STPG2: variants seen among roughly 807,000 people sequenced by gnomAD.
STPG2 encodes the protein sperm tail PG-rich repeat containing 2, also known as sperm-tail PG-rich repeat-containing protein 2.
In STPG2, 56 loss-of-function variants were observed where a neutral mutation model predicts 54.2. That is an observed-to-expected ratio of 1.03 (90% confidence interval 0.83 to 1.29). The LOEUF (loss-of-function observed/expected upper bound fraction) is 1.29. Ranked by LOEUF, STPG2 falls within the 50% of genes most tolerant of loss-of-function variation. The pLI is 0.00. For synonymous variants in STPG2, 200 were observed against 181.8 expected (o/e 1.10, Z -0.81); for missense variants, 596 against 544.9 (o/e 1.09, Z -0.93).
rs1262342943 is a variant in STPG2 at position 97,636,580 on chromosome 4, T to C, written c.1320+76119A>G. Among the ~76,000 whole-genome samples, 4 of 149,484 alleles carry C rather than the reference T, an allele frequency of 2.7e-5. No homozygotes were observed. The East Asian group carries it at 7.8e-4, about 29-fold the overall frequency. ...TGGTTTTTTGAAAGGATCAACAAAA[T>C]TGATAGACTGCTAGCAAGACTAATA... is the stretch of plus-strand genomic sequence containing the variant. On this transcript the variant is annotated intron_variant, in intron 10 of 10. Transcript: ENST00000295268.
At chr4:97,628,170 G>A (rs959470336) in intron 10 of STPG2, among the ~76,000 whole-genome samples, 1 of 152,120 alleles carries the variant, frequency 6.6e-6, no homozygotes, top group Non-Finnish European at 1.5e-5. Context: ...TCAGTGTGTA[G>A]TATAGTCAGG....
In STPG2 at chr4:97,611,553, T is replaced by C. The variant is rs192713160; in HGVS notation, c.1321-52436A>G. 5.5e-4 allele frequency among the ~76,000 whole-genome samples: 83 copies of C among 152,026 alleles called. 2 individuals are homozygous for C. The highest frequency in any genetic ancestry group is 5.3e-3 in the Admixed American group (80 of 15,214). On this transcript the variant is annotated intron_variant, in intron 10 of 10. Transcript: ENST00000295268. Reference sequence around the variant, plus strand: ...GCCAACCATGTGTTTAGCTAAGAAGTAAAATAGATTTAGGAAAGCTAAATA... The same window carrying C: ...GCCAACCATGTGTTTAGCTAAGAAGCAAAATAGATTTAGGAAAGCTAAATA...
rs369146159 is a variant in STPG2 at position 97,454,370 on chromosome 4, G to A, written c.462+258329C>T. Among the ~76,000 whole-genome samples, 103 of 149,814 alleles carry A rather than the reference G, an allele frequency of 6.9e-4. 2 individuals are homozygous for A. In the East Asian group the frequency reaches 0.012, roughly 18 times the overall value. On this transcript the variant is annotated intron_variant, in intron 4 of 4. Transcript: ENST00000522676. ...CTACTAAAAATACAAAAAATTAGCC[G>A]GGCGCGGTGGCGGGCGCCTGTAGTC... is the stretch of plus-strand genomic sequence containing the variant.
At chr4:97,660,133 G>A (rs1232474000) in intron 10 of STPG2, among the ~76,000 whole-genome samples, 2 of 151,902 alleles carry the variant, frequency 1.3e-5, no homozygotes. Context: ...CTCCTGAGTA[G>A]CTGGGACTAC....
At chr4:97,892,297 G>C (rs1042321907) in intron 8 of STPG2, among the ~76,000 whole-genome samples, 6 of 152,040 alleles carry the variant, frequency 3.9e-5, no homozygotes, top group Non-Finnish European at 7.4e-5. Context: ...AGTCCATACT[G>C]ACTTGTCCCC....
chr4:97,808,612 A>G (rs922811207), intron 9 of STPG2, among the ~76,000 whole-genome samples: 6 of 151,664 alleles, frequency 4.0e-5, no homozygotes, highest in African/African-American at 1.4e-4. Context: ...TTTAAACCCA[A>G]CTATAACACT....
At chr4:97,780,969 A>T (rs546128718) in intron 9 of STPG2, among the ~76,000 whole-genome samples, 1 of 152,198 alleles carries the variant, frequency 6.6e-6, no homozygotes, top group Non-Finnish European at 1.5e-5. Context: ...AATGCCCACA[A>T]GAGAAAGCGG....
chr4:97,922,494 A>G (rs1434602419), intron 8 of STPG2, among the ~76,000 whole-genome samples: 1 of 152,202 alleles, frequency 6.6e-6, no homozygotes, highest in African/African-American at 2.4e-5. Flanking sequence ...TTTGTTGTAC[A>G]AAAAATGGTT....
At chr4:97,835,667 G>A (rs1728610641) in intron 9 of STPG2, among the ~76,000 whole-genome samples, 1 of 152,020 alleles carries the variant, frequency 6.6e-6, no homozygotes, top group Non-Finnish European at 1.5e-5. Flanking sequence ...TAAGGCTATG[G>A]CCACCATACA....
chr4:97,944,887 A>G (rs1478428020), intron 7 of STPG2, among the ~76,000 whole-genome samples: 1 of 152,128 alleles, frequency 6.6e-6, no homozygotes, highest in Non-Finnish European at 1.5e-5. Context: ...TATTATTCCA[A>G]CCTATCCACT....
chr4:97,924,973 G>C lies in STPG2; in HGVS notation c.1044+18924C>G, dbSNP rs916095367. Among the ~76,000 whole-genome samples the C allele has an allele frequency of 2.6e-5, 4 of 152,168 alleles. No individual in the cohort carries two copies. The South Asian group carries it at 8.3e-4, about 31-fold the overall frequency. ...ATTTCTCAGAGATTATGTAGAATAT[G>C]AATCATTTGTTGTTGTTCATTCTAA... is the stretch of plus-strand genomic sequence containing the variant. On this transcript the variant is annotated intron_variant, in intron 8 of 10. Transcript: ENST00000295268.
chr4:97,939,719 A>G (rs944805221), intron 8 of STPG2, among the ~76,000 whole-genome samples: 1 of 152,162 alleles, frequency 6.6e-6, no homozygotes, highest in African/African-American at 2.4e-5. Flanking sequence ...GGGTCACTTG[A>G]AAACAGCATA....
At chr4:97,459,021 G>A (rs1234037314) in intron 4 of STPG2, among the ~76,000 whole-genome samples, 2 of 151,984 alleles carry the variant, frequency 1.3e-5, no homozygotes, top group Non-Finnish European at 2.9e-5. Flanking sequence ...TGGTTACAGA[G>A]GAAAATTATC....
chr4:97,865,922 G>T (rs1729755645), intron 8 of STPG2, among the ~76,000 whole-genome samples: 1 of 151,874 alleles, frequency 6.6e-6, no homozygotes, highest in South Asian at 2.1e-4. Flanking sequence ...CCATAAAAAA[G>T]TGTGATTCTG....
At chr4:97,900,972 C>A (rs1467645967) in intron 8 of STPG2, among the ~76,000 whole-genome samples, 2 of 151,612 alleles carry the variant, frequency 1.3e-5, no homozygotes, top group Admixed American at 6.6e-5. Context: ...TTTAAACTTT[C>A]TTATTTTGTT....
chr4:97,464,099 A>G (rs1488810693), intron 4 of STPG2, among the ~76,000 whole-genome samples: 1 of 152,168 alleles, frequency 6.6e-6, no homozygotes, highest in African/African-American at 2.4e-5. Context: ...TTATATGGAC[A>G]TGAGTTTTCT....
chr4:97,978,638 A>G (rs1359649053), intron 6 of STPG2, among the ~76,000 whole-genome samples: 2 of 152,206 alleles, frequency 1.3e-5, no homozygotes, highest in Non-Finnish European at 2.9e-5. Flanking sequence ...ACAATCCCAC[A>G]CATGTGCCCC....
intron 3 of STPG2, among the ~76,000 whole-genome samples, chr4:98,125,602 G>A (rs60994860): frequency 0.4 from 60,052 of 151,962 alleles, 12,114 homozygotes; most frequent in Middle Eastern, 0.46. Context: ...TCCTGTATGA[G>A]GTGTCTGGCA....
intron 4 of STPG2, among the ~76,000 whole-genome samples, chr4:97,491,369 G>T (rs959028467): frequency 6.6e-6 from 1 of 151,378 alleles, no homozygotes; most frequent in African/African-American, 2.4e-5. Context: ...CTACCTCAAA[G>T]AACTTATTCC....
Sources: allele counts gnomAD v4.1 joint callset (sites outside exome capture counted in the v4.1 genomes callset), GRCh38; gene constraint gnomAD v4.1.1; transcripts MANE v1.5; gene names NCBI Gene and HGNC (gene_info 2026-07-23, HGNC 2026-07-21).